PIP5K1B: variants seen among roughly 807,000 people sequenced by gnomAD.
PIP5K1B encodes phosphatidylinositol-4-phosphate 5-kinase type 1 beta.
In PIP5K1B, 42 loss-of-function variants were observed where a neutral mutation model predicts 67.0. That is an observed-to-expected ratio of 0.63 (90% CI 0.49 to 0.81). The LOEUF (loss-of-function observed/expected upper bound fraction) is 0.81. Among genes scored for constraint, PIP5K1B ranks in the 30% least tolerant of loss-of-function variants. PIP5K1B has a pLI of 0.00. For missense variants in PIP5K1B, 459 were observed against 646.3 expected (o/e 0.71, Z 3.14); for synonymous variants, 214 against 231.4 (o/e 0.92, Z 0.68).
At chr9:68,903,657 G>T (rs1825472481) in intron 8 of PIP5K1B, among the ~76,000 whole-genome samples, 1 of 152,166 alleles carries the variant, frequency 6.6e-6, no homozygotes, top group South Asian at 2.1e-4. Flanking sequence ...GCAACAGAAG[G>T]AACACAATAA....
At chr9:68,858,392 T>C (rs1038796266) in intron 4 of PIP5K1B, among the ~76,000 whole-genome samples, 2 of 152,266 alleles carry the variant, frequency 1.3e-5, no homozygotes, top group Middle Eastern at 3.4e-3. Flanking sequence ...TTTGGGAAAA[T>C]AGATCTTCTC....
At chr9:68,864,709 GAGA>G (rs1238925028) in intron 5 of PIP5K1B, among the ~76,000 whole-genome samples, 13 of 152,086 alleles carry the variant, frequency 8.5e-5, no homozygotes, top group Non-Finnish European at 1.3e-4. Context: ...CATTTAGGAA[GAGA>G]AGAAGTAATC....
chr9:68,833,094 A>G (rs542405843), intron 4 of PIP5K1B, among the ~76,000 whole-genome samples: 143 of 152,358 alleles, frequency 9.4e-4, no homozygotes, highest in African/African-American at 3.1e-3. Flanking sequence ...GCCAAGACAG[A>G]CATAGTCCCT....
Position 68,939,627 on chromosome 9 carries a change from G to A in PIP5K1B, c.1358-1019G>A, listed in dbSNP as rs1587695494. Among the ~76,000 whole-genome samples the A allele has an allele frequency of 4.6e-5, 7 of 152,206 alleles. No homozygotes were observed. In the South Asian group the frequency reaches 1.5e-3, roughly 32 times the overall value. On this transcript the variant is annotated intron_variant, in intron 13 of 15. Coordinates refer to ENST00000265382, the MANE Select transcript of PIP5K1B (RefSeq NM_003558.4). Reference sequence around the variant, plus strand: ...CAGTTTTCTATTTTGACTTGAATTGGAGGCAGAGCTCCACCACCCCAGTGT... The same window carrying A: ...CAGTTTTCTATTTTGACTTGAATTGAAGGCAGAGCTCCACCACCCCAGTGT...
At chr9:68,940,600 AT>A (rs1191574798) in intron 13 of PIP5K1B, 45 bp from the exon 14 acceptor site, 1 of 1,585,128 alleles carries the variant, frequency 6.3e-7, no homozygotes, top group South Asian at 1.1e-5. Flanking sequence ...CTAAAGCTGC[AT>A]TTATCCTTGA....
chr9:68,953,070 A>G (rs1157336797), intron 14 of PIP5K1B, among the ~76,000 whole-genome samples: 2 of 151,106 alleles, frequency 1.3e-5, no homozygotes, highest in African/African-American at 2.4e-5. Context: ...CCTCCTCTCT[A>G]TTTTCTTTTT....
chr9:68,805,564 A>C (rs893758228), intron 2 of PIP5K1B, among the ~76,000 whole-genome samples: 4 of 152,162 alleles, frequency 2.6e-5, no homozygotes, highest in African/African-American at 9.7e-5. Context: ...AGGCACACAG[A>C]GGTTAAGCCA....
intron 2 of PIP5K1B, chr9:68,782,311 T>C (rs1481365278): frequency 6.0e-6 from 1 of 167,130 alleles, no homozygotes; most frequent in Non-Finnish European, 1.5e-5. Flanking sequence ...GAGAGTCACA[T>C]AGGTAAATCA....
intron 5 of PIP5K1B, among the ~76,000 whole-genome samples, chr9:68,871,283 C>T (rs1239441557): frequency 6.6e-6 from 1 of 152,176 alleles, no homozygotes; most frequent in Non-Finnish European, 1.5e-5. Context: ...AACGTCAAGT[C>T]TAAGTTAAGC....
intron 1 of PIP5K1B, among the ~76,000 whole-genome samples, chr9:68,718,687 T>C (rs898470459): frequency 3.3e-5 from 5 of 152,262 alleles, no homozygotes; most frequent in African/African-American, 1.2e-4. Flanking sequence ...TCCCTGATTC[T>C]TTAAAAGATT....
Position 68,982,864 on chromosome 9 carries a change from C to T in PIP5K1B, c.1503-8276C>T, listed in dbSNP as rs187066222. Among the ~76,000 whole-genome samples the T allele has an allele frequency of 7.7e-4, 117 of 152,154 alleles. 1 individual carries two copies. Among genetic ancestry groups the T allele is most frequent in the Middle Eastern group, 3.4e-3 (1 of 294 alleles). On this transcript the variant is annotated intron_variant, in intron 14 of 15. Transcript: ENST00000265382. ...ATTTGAATTAGATGACTTATTCTTG[C>T]GTTATCTCCTTACTCTTTTGATAAT... is the stretch of plus-strand genomic sequence containing the variant.
chr9:68,822,784 T>C, intron 4 of PIP5K1B, 101 bp downstream of exon 4: 1 of 806,488 alleles, frequency 1.2e-6, no homozygotes, highest in Non-Finnish European at 2.1e-6. Flanking sequence ...TGTAAGTTAC[T>C]ATCTTAGTTT....
At chr9:68,770,018 C>T (rs1347448484) in intron 2 of PIP5K1B, among the ~76,000 whole-genome samples, 2 of 152,210 alleles carry the variant, frequency 1.3e-5, no homozygotes, top group Non-Finnish European at 2.9e-5. Flanking sequence ...TCTACTAGAG[C>T]TCTCTCCAGA....
At chr9:68,962,811 T>C (rs1325253847) in intron 14 of PIP5K1B, among the ~76,000 whole-genome samples, 2 of 152,230 alleles carry the variant, frequency 1.3e-5, no homozygotes, top group Non-Finnish European at 2.9e-5. Context: ...GAACCATTCA[T>C]AGTTAACAGC....
At chr9:68,989,960 C>T (rs1192513984) in intron 14 of PIP5K1B, among the ~76,000 whole-genome samples, 1 of 151,522 alleles carries the variant, frequency 6.6e-6, no homozygotes, top group South Asian at 2.1e-4. Flanking sequence ...ACAGCCTGGG[C>T]AAGAGAGCAA....
At chr9:68,874,761 T>C (rs1401768162) in intron 5 of PIP5K1B, among the ~76,000 whole-genome samples, 1 of 152,134 alleles carries the variant, frequency 6.6e-6, no homozygotes, top group African/African-American at 2.4e-5. Context: ...TTACTTTGTA[T>C]GGGATAGAAG....
rs367557169 is a variant in PIP5K1B, at chr9:68,830,026, G to A, written c.69+7343G>A. ...AGTACTGGGGCATGATGCTGTATGC[G>A]TCCCAACAGCAACAGGTGTTTAAAA... On this transcript the variant is annotated intron_variant, in intron 4 of 15. Transcript: ENST00000265382. Among the ~76,000 whole-genome samples the A allele has an allele frequency of 1.1e-4, 16 of 152,094 alleles. No individual in the cohort carries two copies. The East Asian group carries it at 1.9e-3, about 18-fold the overall frequency.
intron 4 of PIP5K1B, among the ~76,000 whole-genome samples, chr9:68,850,366 A>G (rs1041374057): frequency 4.6e-5 from 7 of 152,216 alleles, no homozygotes; most frequent in East Asian, 3.9e-4. Flanking sequence ...CCTCAGCACT[A>G]TTGACATTTG....
chr9:68,957,690 G>A (rs1277452632), intron 14 of PIP5K1B, among the ~76,000 whole-genome samples: 3 of 152,140 alleles, frequency 2.0e-5, no homozygotes, highest in Non-Finnish European at 4.4e-5. Flanking sequence ...TGGTCACCAT[G>A]TCCCTGTGTC....
Sources: gnomAD v4.1 joint callset for allele counts (sites outside exome capture counted in the v4.1 genomes callset) on GRCh38, gnomAD v4.1.1 for gene constraint, MANE v1.5 for transcripts, NCBI Gene and HGNC (gene_info 2026-07-23, HGNC 2026-07-21) for gene names.